The following AUNIP variants were observed in gnomAD, a reference collection of about 807,000 sequenced individuals.
AUNIP encodes aurora kinase A- and ninein-interacting protein.
In AUNIP, 16 loss-of-function variants were observed where a neutral mutation model predicts 12.2. The observed-to-expected ratio is 1.31, with a 90% confidence interval of 0.88 to 1.99. The LOEUF (loss-of-function observed/expected upper bound fraction) is 1.99. AUNIP is among the 30% of genes most tolerant of loss of function. AUNIP has a pLI of 0.00. For synonymous variants in AUNIP, 142 were observed against 154.8 expected (o/e 0.92, Z 0.61); for missense variants, 411 against 419.1 (o/e 0.98, Z 0.17).
At chr1:25,846,687 C>A (rs1049930344) in intron 1 of AUNIP, among the ~76,000 whole-genome samples, 1 of 152,194 alleles carries the variant, frequency 6.6e-6, no homozygotes, top group African/African-American at 2.4e-5. Context: ...CACTGCACTC[C>A]AGCCTGGGCA....
At chr1:25,854,134 C>T (rs1407303191) in intron 1 of AUNIP, among the ~76,000 whole-genome samples, 1 of 152,128 alleles carries the variant, frequency 6.6e-6, no homozygotes, top group Non-Finnish European at 1.5e-5. Flanking sequence ...TGCTTCAACC[C>T]AGCAGGTGGA....
In AUNIP at chr1:25,853,416, G is replaced by C. The variant is rs991355291; in HGVS notation, c.78+5864C>G. Reference sequence around the variant, plus strand: ...GTTTGAGAACAGCCTGACCAACATGGTGAAATCTCATCTCTACTAAAAATA... The same window carrying C: ...GTTTGAGAACAGCCTGACCAACATGCTGAAATCTCATCTCTACTAAAAATA... On this transcript the variant is annotated intron_variant, in intron 1 of 2. Coordinates refer to ENST00000374298, the MANE Select transcript of AUNIP (RefSeq NM_024037.3). Among the ~76,000 whole-genome samples the C allele has an allele frequency of 3.9e-5, 6 of 152,192 alleles. No individual in the cohort carries two copies. The East Asian group carries it at 1.2e-3, about 29-fold the overall frequency.
intron 1 of AUNIP, among the ~76,000 whole-genome samples, chr1:25,853,405 T>A (rs2048437388): frequency 6.6e-6 from 1 of 152,116 alleles, no homozygotes; most frequent in South Asian, 2.1e-4. Context: ...GAGAACAGCC[T>A]GACCAACATG....
chr1:25,848,001 G>GGACTGAGTCAACCACATGCATGT (rs2048396194), intron 1 of AUNIP, among the ~76,000 whole-genome samples: 1 of 151,978 alleles, frequency 6.6e-6, no homozygotes, highest in African/African-American at 2.4e-5. Flanking sequence ...CTGCCATCCT[G>GGACTGAGTCAACCACATGCATGT]GACTAAGCCC....
downstream of AUNIP, among the ~76,000 whole-genome samples, chr1:25,833,304 T>G (rs2048270411): frequency 6.6e-6 from 1 of 151,896 alleles, no homozygotes; most frequent in Admixed American, 6.5e-5. Context: ...TTTGTAGCGA[T>G]GGGGTCTTGC....
chr1:25,843,130 T>C (rs1386123744), intron 1 of AUNIP, among the ~76,000 whole-genome samples: 1 of 148,328 alleles, frequency 6.7e-6, no homozygotes, highest in African/African-American at 2.5e-5. Context: ...TGAGCCATGA[T>C]CATGCCACAG....
chr1:25,857,214 T>C (rs1052280279), intron 1 of AUNIP, among the ~76,000 whole-genome samples: 2 of 151,856 alleles, frequency 1.3e-5, no homozygotes, highest in Non-Finnish European at 2.9e-5. Context: ...TATTCCTAAT[T>C]CAAGGAGTAA....
chr1:25,843,594 G>GAAAAAAA (rs769525747), intron 1 of AUNIP, among the ~76,000 whole-genome samples: 1 of 31,892 alleles, frequency 3.1e-5, no homozygotes, highest in Non-Finnish European at 6.8e-5. Context: ...CTGTCTGTTT[G>GAAAAAAA]AAAAAAAAAA....
chr1:25,834,702 T>TA lies in AUNIP; in HGVS notation c.*290dup. Reference sequence around the variant, plus strand: ...AAGAGATGGCTCTGTGCAGGCTGAGTAAAAGGCACTTTCATAGAGATAAAT... The same window carrying TA: ...AAGAGATGGCTCTGTGCAGGCTGAGTAAAAAGGCACTTTCATAGAGATAAAT... On this transcript the variant is annotated 3_prime_UTR_variant, in exon 3 of 3. Coordinates refer to ENST00000374298, the MANE Select transcript of AUNIP (RefSeq NM_024037.3). 2 of 1,179,490 alleles carry TA rather than the reference T, an allele frequency of 1.7e-6. No homozygotes were observed. Among genetic ancestry groups the TA allele is most frequent in the Non-Finnish European group, 2.1e-6 (2 of 952,236 alleles). The allele number at this position is 1,179,490 out of a possible 1,614,324, so 73.1% of individuals were successfully genotyped here.
rs191524527 is a variant in AUNIP, at chr1:25,834,478, G to A, written c.*515C>T. Reference sequence around the variant, plus strand: ...AAAATCCAAAAAAAATTAGCTGGGCGTGGTGGCGCATGCCTGTAGTCCCTG... The same window carrying A: ...AAAATCCAAAAAAAATTAGCTGGGCATGGTGGCGCATGCCTGTAGTCCCTG... On this transcript the variant is annotated 3_prime_UTR_variant, in exon 3 of 3. Transcript: ENST00000374298. 86 of 721,426 alleles carry A rather than the reference G, an allele frequency of 1.2e-4. 1 individual carries two copies. Among genetic ancestry groups the A allele is most frequent in the African/African-American group, 6.9e-4 (36 of 51,848 alleles). 44.7% of individuals were successfully genotyped at this position (721,426 alleles called of 1,614,324 possible).
At chr1:25,851,386 G>C (rs147607142) in intron 1 of AUNIP, among the ~76,000 whole-genome samples, 1 of 152,280 alleles carries the variant, frequency 6.6e-6, no homozygotes, top group Admixed American at 6.5e-5. Flanking sequence ...GCCTCAAAAT[G>C]AGTTGGAAAG....
chr1:25,855,633 A>C (rs1470835845), intron 1 of AUNIP, among the ~76,000 whole-genome samples: 1 of 152,138 alleles, frequency 6.6e-6, no homozygotes, highest in African/African-American at 2.4e-5. Context: ...ACTACAAACT[A>C]CTCATTCTCT....
intron 1 of AUNIP, among the ~76,000 whole-genome samples, chr1:25,843,401 A>T (rs533790809): frequency 6.6e-6 from 1 of 151,152 alleles, no homozygotes; most frequent in Non-Finnish European, 1.5e-5. Flanking sequence ...CCTGTGATGG[A>T]TCTGGGCAAA....
At position 25,859,263 on chromosome 1, in the gene AUNIP, A is replaced by G. The variant is rs2048487199; in HGVS notation, c.78+17T>C. On this transcript the variant is annotated intron_variant, in intron 1 of 2. Coordinates refer to ENST00000374298, the MANE Select transcript of AUNIP (RefSeq NM_024037.3). ...CCTACCTGGTTCCCAACGCCCTCTCATCCCCCAGCGTCCCACCTGCACTTT... is the reference window on the plus strand; with the variant it reads ...CCTACCTGGTTCCCAACGCCCTCTCGTCCCCCAGCGTCCCACCTGCACTTT... The G allele has an allele frequency of 1.9e-6, 3 of 1,565,932 alleles. No homozygotes were observed. The highest frequency in any genetic ancestry group is 2.7e-5 in the African/African-American group (2 of 73,148).
chr1:25,853,475 T>C (rs1448433033), intron 1 of AUNIP, among the ~76,000 whole-genome samples: 1 of 151,996 alleles, frequency 6.6e-6, no homozygotes, highest in Non-Finnish European at 1.5e-5. Context: ...TGGGCGCCTG[T>C]AATTCCAGCT....
Position 25,834,748 on chromosome 1 carries a change from G to A in AUNIP, c.*245C>T. 5.9e-6 allele frequency: 8 copies of A among 1,361,326 alleles called. No homozygotes were observed. The highest frequency in any genetic ancestry group is 7.6e-6 in the Non-Finnish European group (8 of 1,058,908). 84.3% of individuals were successfully genotyped at this position (1,361,326 alleles called of 1,614,324 possible). A position where few individuals can be genotyped will look rare whatever the true frequency, so the allele number is the denominator to read the frequency against. On this transcript the variant is annotated 3_prime_UTR_variant, in exon 3 of 3. Transcript: ENST00000374298. The stretch of plus-strand genomic sequence containing the variant: ...TAAATACCCACTGTGCTGCCTCAGT[G>A]TTCATCATAGACTCATTCAGGGAAT...
chr1:25,843,594 G>GGA, intron 1 of AUNIP, among the ~76,000 whole-genome samples: 1 of 31,890 alleles, frequency 3.1e-5, no homozygotes, highest in Non-Finnish European at 6.8e-5. Flanking sequence ...CTGTCTGTTT[G>GGA]AAAAAAAAAA....
rs2048281016 is a variant in AUNIP, at chr1:25,834,395, C to CT, written c.*597_*598insA. The CT allele has an allele frequency of 1.1e-6, 1 of 934,012 alleles. No homozygotes were observed. Among genetic ancestry groups the CT allele is most frequent in the South Asian group, 4.9e-5 (1 of 20,206 alleles). 57.9% of individuals were successfully genotyped at this position (934,012 alleles called of 1,614,324 possible). ...CTTTGGGAGGCTGAGGTGGGCGGAT[C>CT]AGGAGGTCAGGAGATGGAGACCATC... On this transcript the variant is annotated 3_prime_UTR_variant, in exon 3 of 3. Coordinates refer to ENST00000374298, the MANE Select transcript of AUNIP (RefSeq NM_024037.3).
At chr1:25,832,262 A>G, downstream of AUNIP, 7 of 1,247,026 alleles carry the variant, frequency 5.6e-6, no homozygotes, top group Non-Finnish European at 7.8e-6. Context: ...AATCGTGTAG[A>G]ATGAAGTATC....
Sources: allele counts gnomAD v4.1 joint callset (sites outside exome capture counted in the v4.1 genomes callset), GRCh38; gene constraint gnomAD v4.1.1; transcripts MANE v1.5; gene names NCBI Gene and HGNC (gene_info 2026-07-23, HGNC 2026-07-21).